The following PLCB1 variants were observed in gnomAD, a reference collection of about 807,000 sequenced individuals.
The protein encoded by PLCB1 is 1-phosphatidylinositol 4,5-bisphosphate phosphodiesterase beta-1.
PLCB1 carries 46 observed loss-of-function variants against 161.8 expected under a neutral mutation model. That is an observed-to-expected ratio of 0.28 (90% CI 0.22 to 0.36). The LOEUF is 0.36. PLCB1 is among the 10% of genes least tolerant of loss of function. The probability of loss-of-function intolerance (pLI) is 1.00; values close to 1 mark genes in which losing one functional copy is unlikely to be tolerated. For missense variants in PLCB1, 1,016 were observed against 1,472.5 expected (o/e 0.69, Z 5.07); for synonymous variants, 517 against 503.7 (o/e 1.03, Z -0.35).
chr20:8,583,524 A>G (rs1054570923), intron 3 of PLCB1, among the ~76,000 whole-genome samples: 15 of 152,344 alleles, frequency 9.8e-5, no homozygotes, highest in Middle Eastern at 3.4e-3. Flanking sequence ...TATGGAATGA[A>G]CATATAATCT....
At chr20:8,874,522 A>G (rs948425465) in intron 31 of PLCB1, among the ~76,000 whole-genome samples, 3 of 152,002 alleles carry the variant, frequency 2.0e-5, no homozygotes, top group African/African-American at 7.2e-5. Context: ...CTATTTCTGG[A>G]TATATTAATA....
At chr20:8,175,670 A>C (rs2051775274) in intron 2 of PLCB1, among the ~76,000 whole-genome samples, 1 of 152,190 alleles carries the variant, frequency 6.6e-6, no homozygotes, top group Non-Finnish European at 1.5e-5. Flanking sequence ...ATCTCATTAA[A>C]ATTAAAATAA....
At chr20:8,194,385 C>G (rs2052001345) in intron 2 of PLCB1, among the ~76,000 whole-genome samples, 1 of 151,982 alleles carries the variant, frequency 6.6e-6, no homozygotes. Context: ...GGTGGAAAAA[C>G]TCCCGTAAGT....
At chr20:8,474,847 T>G (rs1982202700) in intron 3 of PLCB1, among the ~76,000 whole-genome samples, 1 of 152,292 alleles carries the variant, frequency 6.6e-6, no homozygotes, top group Non-Finnish European at 1.5e-5. Context: ...GATTTTATTA[T>G]CTTCACTTCA....
intron 10 of PLCB1, 99 bp from the exon 11 acceptor site, chr20:8,697,527 A>T (rs1990608980): frequency 1.7e-6 from 2 of 1,197,464 alleles, no homozygotes; most frequent in Non-Finnish European, 2.4e-6. Flanking sequence ...CAGCTCTTAG[A>T]CTCTTTGTTT....
At chr20:8,163,461 G>A (rs1464609628) in intron 2 of PLCB1, among the ~76,000 whole-genome samples, 1 of 152,302 alleles carries the variant, frequency 6.6e-6, no homozygotes, top group Admixed American at 6.5e-5. Context: ...AAACACATGG[G>A]CACCACCAGC....
At chr20:8,807,099 C>T (rs926604143) in intron 31 of PLCB1, among the ~76,000 whole-genome samples, 31 of 152,124 alleles carry the variant, frequency 2.0e-4, no homozygotes, top group South Asian at 2.1e-4. Context: ...CAGAGGGTTG[C>T]GTATGTCTGA....
At chr20:8,448,815 C>T (rs750446335) in intron 3 of PLCB1, among the ~76,000 whole-genome samples, 2 of 152,176 alleles carry the variant, frequency 1.3e-5, no homozygotes, top group African/African-American at 2.4e-5. Context: ...TTGCATCCCA[C>T]AAAAACCAAC....
chr20:8,690,686 T>A (rs1990457636), intron 10 of PLCB1, among the ~76,000 whole-genome samples: 1 of 152,212 alleles, frequency 6.6e-6, no homozygotes, highest in South Asian at 2.1e-4. Context: ...TCCTAAACCA[T>A]AATTCCAACC....
chr20:8,212,566 G>T (rs1278473512), intron 2 of PLCB1, among the ~76,000 whole-genome samples: 1 of 151,936 alleles, frequency 6.6e-6, no homozygotes, highest in Non-Finnish European at 1.5e-5. Context: ...CTTCTTAATT[G>T]TTACTGAGAT....
At chr20:8,599,442 G>T (rs1180896153) in intron 3 of PLCB1, among the ~76,000 whole-genome samples, 1 of 147,352 alleles carries the variant, frequency 6.8e-6, no homozygotes, top group East Asian at 2.0e-4. Context: ...CTCTCTTCTG[G>T]CTTGTAGGGT....
At chr20:8,565,409 C>T (rs1455654599) in intron 3 of PLCB1, among the ~76,000 whole-genome samples, 1 of 151,974 alleles carries the variant, frequency 6.6e-6, no homozygotes, top group Admixed American at 6.6e-5. Context: ...ATGGGTGCAG[C>T]AAACCACCAT....
At chr20:8,310,744 C>T (rs141376123) in intron 2 of PLCB1, among the ~76,000 whole-genome samples, 1 of 152,206 alleles carries the variant, frequency 6.6e-6, no homozygotes, top group Non-Finnish European at 1.5e-5. Flanking sequence ...TTTTGGAGCC[C>T]CCGTGTCTAT....
intron 3 of PLCB1, among the ~76,000 whole-genome samples, chr20:8,532,348 G>T (rs1984847390): frequency 6.6e-6 from 1 of 152,210 alleles, no homozygotes; most frequent in African/African-American, 2.4e-5. Flanking sequence ...TACACATTTT[G>T]GTTGCTAGGC....
Position 8,739,322 on chromosome 20 carries a change from T to C in PLCB1, c.2270T>C (p.Ile757Thr), listed in dbSNP as rs1488351224. Residue 757 changes from isoleucine to threonine, a missense_variant, in exon 21 of 32, where the codon ATT (isoleucine) becomes ACT (threonine). Around this residue, in one of 10 missense-constraint regions of PLCB1, gnomAD observed 75 missense variants for 117.0 expected, o/e 0.64. Transcript: ENST00000338037. The part of the protein sequence containing the change: ...IAVYEEGGKF[I>T]GHRILPVQAI... ...GTTTATGAAGAAGGAGGTAAATTCA[T>C]TGGCCACCGTATCTTGCCAGTGCAA... 1.2e-6 allele frequency: 2 copies of C among 1,614,080 alleles called. No homozygotes were observed. The highest frequency in any genetic ancestry group is 8.5e-7 in the Non-Finnish European group (1 of 1,179,894).
At chr20:8,438,771 G>A (rs1458177922) in intron 3 of PLCB1, among the ~76,000 whole-genome samples, 1 of 152,094 alleles carries the variant, frequency 6.6e-6, no homozygotes, top group Non-Finnish European at 1.5e-5. Context: ...CTGACCCAAG[G>A]GGCCACAAAA....
intron 31 of PLCB1, among the ~76,000 whole-genome samples, chr20:8,877,282 G>A (rs1401294030): frequency 6.6e-6 from 1 of 152,144 alleles, no homozygotes. Context: ...AATCTAAACT[G>A]GAATTCCACA....
At chr20:8,661,446 C>T (rs976613573) in intron 9 of PLCB1, among the ~76,000 whole-genome samples, 9 of 152,074 alleles carry the variant, frequency 5.9e-5, no homozygotes, top group Non-Finnish European at 8.8e-5. Context: ...TACCGTATAA[C>T]GTGCATCCTC....
intron 2 of PLCB1, among the ~76,000 whole-genome samples, chr20:8,308,958 C>T (rs2071861232): frequency 1.3e-5 from 2 of 151,650 alleles, no homozygotes; most frequent in Admixed American, 6.6e-5. Context: ...GATTTGTTGA[C>T]TTAAAATCCA....
Sources: gnomAD v4.1 joint callset for allele counts (sites outside exome capture counted in the v4.1 genomes callset) on GRCh38, gnomAD v4.1.1 for gene constraint, gnomAD v4.1.1 regional missense constraint, MANE v1.5 for transcripts, NCBI Gene and HGNC (gene_info 2026-07-23, HGNC 2026-07-21) for gene names.